XIRP1: variants seen among roughly 807,000 people sequenced by gnomAD.
The protein encoded by XIRP1 is xin actin-binding repeat-containing protein 1.
For missense variants in XIRP1, 2,378 were observed against 2,345.4 expected, an observed-to-expected ratio of 1.01 and a Z score of -0.29; for synonymous variants, 984 against 947.0, an observed-to-expected ratio of 1.04 and a Z score of -0.72.
chr3:39,189,012 C>G lies in XIRP1; in HGVS notation c.434G>C (p.Arg145Thr). The G allele has an allele frequency of 6.2e-7, 1 of 1,614,004 alleles. No individual in the cohort carries two copies. The highest frequency in any genetic ancestry group is 8.5e-7 in the Non-Finnish European group (1 of 1,180,050). The change falls in exon 2 of 2, where the codon AGG (arginine) becomes ACG (threonine). Residue 145 changes from arginine to threonine, a missense_variant. By Grantham distance (71) the Arg-to-Thr change is moderately conservative. Coordinates refer to ENST00000340369, the MANE Select transcript of XIRP1 (RefSeq NM_194293.4). ...FANSTDQEPT[R>T]PQPGGGDVRA... ...AACGTCTCCTCCACCTGGCTGGGGC[C>G]TGGTTGGCTCCTGGTCTGTGCTGTT...
chr3:39,184,907 A>G lies in XIRP1; in HGVS notation c.4539T>C (p.Ala1513=). The G allele has an allele frequency of 6.3e-7, 1 of 1,589,228 alleles. No homozygotes were observed. The highest frequency in any genetic ancestry group is 8.6e-7 in the Non-Finnish European group (1 of 1,165,878). The change falls in exon 2 of 2, where the codon GCT becomes GCC. Residue 1513 remains alanine, a synonymous_variant. Coordinates refer to ENST00000340369, the MANE Select transcript of XIRP1 (RefSeq NM_194293.4). ...QLGGAAPQAP[A]AHQKPEASVE... The stretch of plus-strand genomic sequence containing the variant: ...CTGAGGCCTCGGGCTTTTGGTGGGC[A>G]GCAGGAGCCTGAGGAGCAGCCCCTC...
chr3:39,190,167 A>G (rs2040067532), intron 1 of XIRP1, among the ~76,000 whole-genome samples: 1 of 152,170 alleles, frequency 6.6e-6, no homozygotes, highest in South Asian at 2.1e-4. Flanking sequence ...GCCAGATCCA[A>G]ATTCTGAATA....
At position 39,186,662 on chromosome 3, in the gene XIRP1, C is replaced by T. The variant is rs926249549; in HGVS notation, c.2784G>A (p.Leu928=). 6.2e-7 allele frequency: 1 copy of T among 1,613,430 alleles called. No individual in the cohort carries two copies. The highest frequency in any genetic ancestry group is 2.2e-5 in the East Asian group (1 of 44,864). Residue 928 remains leucine (L), a synonymous_variant, in exon 2 of 2, where the codon CTG becomes CTA. Transcript: ENST00000340369. ...CTCCTTTATCTATGCAGCTGGCCAACAGCTGCACGCTGCTCCTCTCAGAGG... is the reference window on the plus strand; with the variant it reads ...CTCCTTTATCTATGCAGCTGGCCAATAGCTGCACGCTGCTCCTCTCAGAGG... ...SKASERSSVQ[L]LASCIDKGDL...
At position 39,186,160 on chromosome 3, in the gene XIRP1, C is replaced by CT. The variant is rs772621315; in HGVS notation, c.3285dup (p.Ala1096SerfsTer15). 2 of 1,613,718 alleles carry CT rather than the reference C, an allele frequency of 1.2e-6. No individual in the cohort carries two copies. Among genetic ancestry groups the CT allele is most frequent in the Non-Finnish European group, 8.5e-7 (1 of 1,179,802 alleles). On this transcript the variant is annotated frameshift_variant, in exon 2 of 2. Transcript: ENST00000340369. LOFTEE classifies it low-confidence loss of function (END_TRUNC). Reference sequence around the variant, plus strand: ...CTTATGTTGCTTTGGGTAGCCCCAGCTTTCCGAAGACCGTCCTGGATGGGG... The same window carrying CT: ...CTTATGTTGCTTTGGGTAGCCCCAGCTTTTCCGAAGACCGTCCTGGATGGGG...
Position 39,186,599 on chromosome 3 carries a change from C to CG in XIRP1, c.2846dup (p.Ala950GlyfsTer2). On this transcript the variant is annotated frameshift_variant, in exon 2 of 2. Coordinates refer to ENST00000340369, the MANE Select transcript of XIRP1 (RefSeq NM_194293.4). LOFTEE classifies it low-confidence loss of function (END_TRUNC). ...TGGCTGGCACTGGACTCGGGTCAGC[C>CG]GGGGGCTCCCACCGCAGACTGTGCA... is the stretch of plus-strand genomic sequence containing the variant. 1 of 1,609,794 alleles carries CG rather than the reference C, an allele frequency of 6.2e-7. No homozygotes were observed. Among genetic ancestry groups the CG allele is most frequent in the Non-Finnish European group, 8.5e-7 (1 of 1,177,440 alleles).
Position 39,189,431 on chromosome 3 carries a change from C to G in XIRP1, c.15G>C (p.Gln5His), listed in dbSNP as rs750470590. Residue 5 changes from glutamine to histidine, a missense_variant, in exon 2 of 2, where the codon CAG (glutamine) becomes CAC (histidine). Transcript: ENST00000340369. ...TGGTTGGTGTGGGGGCCACCTGTGT[C>G]TGGGTGTCGGCCATCCTTCTGAGAA... MADT[Q>H]TQVAPTPTMR... is the part of the protein sequence containing the mutation. 6 of 1,591,932 alleles carry G rather than the reference C, an allele frequency of 3.8e-6. No individual in the cohort carries two copies. In the East Asian group the frequency reaches 1.3e-4, roughly 36 times the overall value.
In XIRP1 at chr3:39,184,418, C is replaced by G; in HGVS notation, c.5028G>C (p.Gln1676His). 1 of 1,614,170 alleles carries G rather than the reference C, an allele frequency of 6.2e-7. No individual in the cohort carries two copies. Among genetic ancestry groups the G allele is most frequent in the Non-Finnish European group, 8.5e-7 (1 of 1,180,034 alleles). Reference protein sequence around the residue: ...SPSSPTFISIQSATRKPLETP... With the variant: ...SPSSPTFISIHSATRKPLETP... ...TCTCTAGAGGCTTCCTTGTGGCCGA[C>G]TGGATGGAGATAAATGTTGGGGAGG... is the stretch of plus-strand genomic sequence containing the variant. Residue 1676 changes from glutamine to histidine, a missense_variant, in exon 2 of 2, where the codon CAG becomes CAC. Gln to His is a conservative substitution (Grantham distance 24). Transcript: ENST00000340369.
chr3:39,188,841 C>A lies in XIRP1; in HGVS notation c.605G>T (p.Arg202Leu), dbSNP rs376601891. The stretch of plus-strand genomic sequence containing the variant: ...CTGCAGGGAGGGGCGGGAGCCCAGG[C>A]GGTCCAGCGGCCGCGTCTCAAAGAG... ...RMLFETRPLD[R>L]LGSRPSLQEQ... The change falls in exon 2 of 2, where the codon CGC becomes CTC. Residue 202 changes from arginine (R) to leucine (L), a missense_variant. By Grantham distance (102) the Arg-to-Leu change is moderately radical. Coordinates refer to ENST00000340369, the MANE Select transcript of XIRP1 (RefSeq NM_194293.4). The A allele has an allele frequency of 4.3e-6, 7 of 1,612,428 alleles. No individual in the cohort carries two copies. The highest frequency in any genetic ancestry group is 4.2e-6 in the Non-Finnish European group (5 of 1,180,040).
Position 39,185,786 on chromosome 3 carries a change from T to G in XIRP1, c.3660A>C (p.Gln1220His). Residue 1220 changes from glutamine (Q) to histidine (H), a missense_variant, in exon 2 of 2, where the codon CAA becomes CAC. Physicochemically the swap from Gln to His is conservative, Grantham distance 24. Transcript: ENST00000340369. ...CAGTCTTCAGGGTGGTCTCTGCAGCTTGGAGGCCCCCTGGGCAGACTTCTG... is the reference window on the plus strand; with the variant it reads ...CAGTCTTCAGGGTGGTCTCTGCAGCGTGGAGGCCCCCTGGGCAGACTTCTG... ...AMAEVCPGGL[Q>H]AAETTLKTAP... 1.2e-6 allele frequency: 2 copies of G among 1,611,918 alleles called. No individual in the cohort carries two copies. The highest frequency in any genetic ancestry group is 1.7e-6 in the Non-Finnish European group (2 of 1,178,908).
chr3:39,188,434 G>A lies in XIRP1; in HGVS notation c.1012C>T (p.Pro338Ser). The part of the protein sequence containing the change: ...DFQPSPDLIP[P>S]GPDVQQQQHL... The stretch of plus-strand genomic sequence containing the variant: ...TGCTGCTGCTGAACATCTGGACCAG[G>A]TGGGATAAGGTCTGGGGATGGCTGG... The change falls in exon 2 of 2, where the codon CCT becomes TCT. Residue 338 changes from proline to serine, a missense_variant. Physicochemically the swap from Pro to Ser is moderately conservative, Grantham distance 74 (BLOSUM62 -1). Coordinates refer to ENST00000340369, the MANE Select transcript of XIRP1 (RefSeq NM_194293.4). 1 of 1,606,434 alleles carries A rather than the reference G, an allele frequency of 6.2e-7. No homozygotes were observed. The highest frequency in any genetic ancestry group is 1.1e-5 in the South Asian group (1 of 90,692).
Position 39,187,775 on chromosome 3 carries a change from C to A in XIRP1, c.1671G>T (p.Gln557His). The A allele has an allele frequency of 6.2e-7, 1 of 1,614,112 alleles. No homozygotes were observed. Among genetic ancestry groups the A allele is most frequent in the Non-Finnish European group, 8.5e-7 (1 of 1,180,016 alleles). ...VGTARWLFET[Q>H]PLEMIHQREQ... ...CCCGTTGGTGGATCATCTCCAGGGG[C>A]TGGGTCTCAAAAAGCCACCGAGCTG... The change falls in exon 2 of 2, where the codon CAG becomes CAT. Residue 557 changes from glutamine to histidine, a missense_variant. Physicochemically the swap from Gln to His is conservative, Grantham distance 24. Transcript: ENST00000340369.
rs1490538229 is a variant in XIRP1 at position 39,188,663 on chromosome 3, G to T, written c.783C>A (p.Ile261=). ...GGGCAGACCTCACCGCGTTGCTTTG[G>T]ATCTCCTCCCGGCATGCGGCCTTGA... ...HEVKAACREE[I]QSNAVRSARW... is the part of the protein sequence containing the mutation. The change falls in exon 2 of 2, where the codon ATC becomes ATA. Residue 261 remains isoleucine (I), a synonymous_variant. Transcript: ENST00000340369. 6.2e-7 allele frequency: 1 copy of T among 1,613,010 alleles called. No individual in the cohort carries two copies.
At position 39,188,044 on chromosome 3, in the gene XIRP1, C is replaced by A. The variant is rs780558206; in HGVS notation, c.1402G>T (p.Glu468Ter). Residue 468 changes from glutamate (E) to a stop codon, truncating the protein, a stop_gained, in exon 2 of 2, where the codon GAA becomes TAA. Coordinates refer to ENST00000340369, the MANE Select transcript of XIRP1 (RefSeq NM_194293.4). LOFTEE classifies it low-confidence loss of function (END_TRUNC). The part of the protein sequence containing the change: ...VLAHGSPSRE[E>*]GTDSAGQAQG... ...GCCTGCCCAGCAGAATCAGTTCCTT[C>A]TTCTCTGCTTGGACTCCCATGGGCC... The A allele has an allele frequency of 4.3e-6, 7 of 1,614,104 alleles. No homozygotes were observed. The highest frequency in any genetic ancestry group is 1.7e-5 in the Admixed American group (1 of 60,018).
rs753076475 is a variant in XIRP1 at position 39,184,161 on chromosome 3, T to A, written c.5285A>T (p.Tyr1762Phe). ...TTCAGTCACGGTTCTCATGGCTCCATAGTGTTGTGAGCTCCCTGGCCCCGT... is the reference window on the plus strand; with the variant it reads ...TTCAGTCACGGTTCTCATGGCTCCAAAGTGTTGTGAGCTCCCTGGCCCCGT... ...LQTGPGSSQH[Y>F]GAMRTVTEQY... The change falls in exon 2 of 2, where the codon TAT becomes TTT. Residue 1762 changes from tyrosine (Y) to phenylalanine (F), a missense_variant. Transcript: ENST00000340369. 1 of 1,613,942 alleles carries A rather than the reference T, an allele frequency of 6.2e-7. No homozygotes were observed. The highest frequency in any genetic ancestry group is 1.1e-5 in the South Asian group (1 of 91,032).
rs2039943149 is a variant in XIRP1, at chr3:39,185,244, T to C, written c.4202A>G (p.His1401Arg). 2 of 1,613,956 alleles carry C rather than the reference T, an allele frequency of 1.2e-6. No individual in the cohort carries two copies. The highest frequency in any genetic ancestry group is 1.7e-6 in the Non-Finnish European group (2 of 1,179,962). The change falls in exon 2 of 2, where the codon CAT (histidine) becomes CGT (arginine). Residue 1401 changes from histidine (H) to arginine (R), a missense_variant. Physicochemically the swap from His to Arg is conservative, Grantham distance 29. Coordinates refer to ENST00000340369, the MANE Select transcript of XIRP1 (RefSeq NM_194293.4). ...PSGHSQPSLQ[H>R]GLSTTAPRPT... ...CCTGGGGGCCGTGGTGCTGAGGCCA[T>C]GTTGTAAGCTGGGCTGGCTATGTCC...
At position 39,185,747 on chromosome 3, in the gene XIRP1, G is replaced by A. The variant is rs141457208; in HGVS notation, c.3699C>T (p.Arg1233=). The A allele has an allele frequency of 6.5e-5, 104 of 1,607,994 alleles. No homozygotes were observed. The highest frequency in any genetic ancestry group is 8.6e-5 in the Non-Finnish European group (101 of 1,176,690). Reference sequence around the variant, plus strand: ...CTTGGGGCCCAGAGGCCAGAATGTGGCGGCCTAGAGGGGCAGTCTTCAGGG... The same window carrying A: ...CTTGGGGCCCAGAGGCCAGAATGTGACGGCCTAGAGGGGCAGTCTTCAGGG... ...ETTLKTAPLG[R]HILASGPQAA... The change falls in exon 2 of 2, where the codon CGC becomes CGT. Residue 1233 remains arginine (R), a synonymous_variant. Coordinates refer to ENST00000340369, the MANE Select transcript of XIRP1 (RefSeq NM_194293.4).
In XIRP1 at chr3:39,184,344, A is replaced by G. The variant is rs144145444; in HGVS notation, c.5102T>C (p.Leu1701Pro). The G allele has an allele frequency of 2.9e-4, 464 of 1,614,146 alleles. No individual in the cohort carries two copies. In the African/African-American group the frequency reaches 5.1e-3, roughly 18 times the overall value. Reference protein sequence around the residue: ...NPDVSVKSTQLAQDIGQALLH... With the variant: ...NPDVSVKSTQPAQDIGQALLH... ...CAGGGCCTGGCCTATGTCCTGAGCC[A>G]GTTGTGTGCTTTTCACTGAGACATC... is the stretch of plus-strand genomic sequence containing the variant. Residue 1701 changes from leucine to proline, a missense_variant, in exon 2 of 2, where the codon CTG becomes CCG. Physicochemically the swap from Leu to Pro is moderately conservative, Grantham distance 98 (BLOSUM62 -3). Transcript: ENST00000340369.
chr3:39,187,957 T>C lies in XIRP1; in HGVS notation c.1489A>G (p.Thr497Ala). The change falls in exon 2 of 2, where the codon ACC becomes GCC. Residue 497 changes from threonine (T) to alanine (A), a missense_variant. Physicochemically the swap from Thr to Ala is moderately conservative, Grantham distance 58 (BLOSUM62 0). Coordinates refer to ENST00000340369, the MANE Select transcript of XIRP1 (RefSeq NM_194293.4). ...QDSKGRLHAL[T>A]SVSREQIVGG... ...ACTATCTGCTCTCTGCTAACAGAGG[T>C]CAGGGCATGGAGGCGGCCCTTGCTG... The C allele has an allele frequency of 6.2e-7, 1 of 1,614,142 alleles. No homozygotes were observed. Among genetic ancestry groups the C allele is most frequent in the Non-Finnish European group, 8.5e-7 (1 of 1,180,016 alleles).
chr3:39,188,880 T>C lies in XIRP1; in HGVS notation c.566A>G (p.Gln189Arg), dbSNP rs371227416. ...VREPAASGDV[Q>R]GTRMLFETRP... ...CGTCTCAAAGAGCATCCTGGTACCC[T>C]GCACATCTCCGCTGGCTGCAGGCTC... Residue 189 changes from glutamine (Q) to arginine (R), a missense_variant, in exon 2 of 2, where the codon CAG (glutamine) becomes CGG (arginine). Coordinates refer to ENST00000340369, the MANE Select transcript of XIRP1 (RefSeq NM_194293.4). 5.0e-4 allele frequency: 808 copies of C among 1,612,984 alleles called. 11 individuals carry two copies. In the South Asian group the frequency reaches 8.7e-3, roughly 17 times the overall value.
Sources: allele counts gnomAD v4.1 joint callset (sites outside exome capture counted in the v4.1 genomes callset), GRCh38; gene constraint gnomAD v4.1.1; transcripts MANE v1.5; gene names NCBI Gene and HGNC (gene_info 2026-07-23, HGNC 2026-07-21).